Variants in ARHGAP23 observed in about 807,000 individuals in gnomAD.
ARHGAP23 encodes rho GTPase-activating protein 23.
Under a neutral mutation model 136.3 loss-of-function variants are expected in ARHGAP23, and 34 were observed. The observed-to-expected ratio is 0.25, with a 90% CI of 0.19 to 0.33. The LOEUF (loss-of-function observed/expected upper bound fraction) is 0.33. Ranked by LOEUF, ARHGAP23 falls within the 10% of genes least tolerant of loss-of-function variation. The pLI, the probability that ARHGAP23 is intolerant of heterozygous loss-of-function variation, is 1.00. For synonymous variants in ARHGAP23, 832 were observed against 920.5 expected, an observed-to-expected ratio of 0.90 and a Z score of 1.74; for missense variants, 1,808 against 2,139.0, an observed-to-expected ratio of 0.85 and a Z score of 3.05.
intron 8 of ARHGAP23, 87 bp downstream of exon 8, chr17:38,469,386 G>T (rs1036071353): frequency 8.8e-6 from 13 of 1,479,178 alleles, no homozygotes; most frequent in East Asian, 5.0e-5. Context: ...TTGATGTCTG[G>T]CCTCTTCCTC....
chr17:38,440,143 C>T (rs570665765), intron 1 of ARHGAP23, among the ~76,000 whole-genome samples: 2 of 152,276 alleles, frequency 1.3e-5, no homozygotes, highest in East Asian at 1.9e-4. Context: ...CTCAGCCTCC[C>T]GAGTAGCTGG....
intron 1 of ARHGAP23, among the ~76,000 whole-genome samples, chr17:38,437,628 C>T (rs932647158): frequency 3.3e-5 from 5 of 151,920 alleles, no homozygotes; most frequent in African/African-American, 4.8e-5. Context: ...CCCTACCCCC[C>T]CCAAAAAATA....
intron 1 of ARHGAP23, among the ~76,000 whole-genome samples, chr17:38,441,722 T>G (rs905123890): frequency 1.3e-5 from 2 of 151,532 alleles, no homozygotes; most frequent in Admixed American, 6.6e-5. Context: ...ACCTGGAGGG[T>G]AAGGGTTGAG....
intron 2 of ARHGAP23, among the ~76,000 whole-genome samples, chr17:38,460,621 C>T (rs12938080): frequency 0.7 from 106,441 of 152,086 alleles, 38,705 homozygotes; most frequent in East Asian, 0.97. Flanking sequence ...ATGCCTCCCT[C>T]GTTGGGCTGG....
Position 38,477,726 on chromosome 17 carries a change from G to C in ARHGAP23, c.2266G>C (p.Val756Leu), listed in dbSNP as rs1327270526. The change falls in exon 12 of 24, where the codon GTC becomes CTC. Residue 756 changes from valine (V) to leucine (L), a missense_variant. This residue lies in a region of ARHGAP23 where 139 missense variants were observed against 264.3 expected (regional missense o/e 0.53). Coordinates refer to ENST00000622683, the MANE Select transcript of ARHGAP23 (RefSeq NM_001199417.2). The surrounding 1 kb of genome is among the most constrained non-coding windows in gnomAD (Gnocchi z 6.6). ...CGCAGGTGAGGACGAGGCGGCGCCC[G>C]TCTGCATCGGCTCCTGCCTCGTGGA... is the stretch of plus-strand genomic sequence containing the variant. Reference protein sequence around the residue: ...AGAGEDEAAPVCIGSCLVDIS... With the variant: ...AGAGEDEAAPLCIGSCLVDIS... The C allele has an allele frequency of 1.8e-5, 28 of 1,546,420 alleles. No homozygotes were observed. Among genetic ancestry groups the C allele is most frequent in the Non-Finnish European group, 2.4e-5 (28 of 1,144,866 alleles).
chr17:38,440,717 G>A (rs1020705181), intron 1 of ARHGAP23, among the ~76,000 whole-genome samples: 5 of 152,244 alleles, frequency 3.3e-5, no homozygotes, highest in African/African-American at 1.2e-4. Context: ...GGGCACACAA[G>A]TGGCCGGACA....
chr17:38,503,002 C>G (rs1249672442), intron 23 of ARHGAP23, among the ~76,000 whole-genome samples: 1 of 152,194 alleles, frequency 6.6e-6, no homozygotes, highest in Non-Finnish European at 1.5e-5. Context: ...GAGCCGTGAT[C>G]ATGCCACTGC....
intron 14 of ARHGAP23, 89 bp from the exon 15 acceptor site, chr17:38,481,933 C>T (rs919769674): frequency 6.8e-6 from 9 of 1,331,950 alleles, no homozygotes; most frequent in Middle Eastern, 2.6e-4. Context: ...ATGGAATCCC[C>T]ATACGTCCAA....
At chr17:38,428,391 A>G (rs11867269), upstream of ARHGAP23, 2 of 448,658 alleles carry the variant, frequency 4.5e-6, no homozygotes, top group Non-Finnish European at 6.8e-6. Flanking sequence ...GGGCCCCCCC[A>G]CACCGCGCTC....
At chr17:38,493,132 A>G (rs2040313780) in intron 20 of ARHGAP23, among the ~76,000 whole-genome samples, 1 of 150,888 alleles carries the variant, frequency 6.6e-6, no homozygotes, top group Non-Finnish European at 1.5e-5. Context: ...ATGACTGAGT[A>G]AATTGCTAAT....
At chr17:38,466,067 T>A in intron 6 of ARHGAP23, 100 bp from the exon 7 acceptor site, 2 of 841,096 alleles carry the variant, frequency 2.4e-6, no homozygotes, top group East Asian at 4.5e-5. Context: ...GTCCTCTCCC[T>A]TCATTTCCCT....
In ARHGAP23 at chr17:38,466,553, C is replaced by G. The variant is rs1249767591; in HGVS notation, c.870C>G (p.His290Gln). Residue 290 changes from histidine (H) to glutamine (Q), a missense_variant, in exon 7 of 24, where the codon CAC becomes CAG. His to Gln is a conservative substitution (Grantham distance 24). This residue lies in a region of ARHGAP23 where 859 missense variants were observed against 936.4 expected (regional missense o/e 0.92). Coordinates refer to ENST00000622683, the MANE Select transcript of ARHGAP23 (RefSeq NM_001199417.2). ...TGGAGTGCCAGCAGGCCTTGTCACA[C>G]TGGCTGTCAAACCAGGTACCCCGCC... The part of the protein sequence containing the change: ...SRLECQQALS[H>Q]WLSNQVPRRA... 3.4e-6 allele frequency: 5 copies of G among 1,478,990 alleles called. No homozygotes were observed. The highest frequency in any genetic ancestry group is 4.5e-6 in the Non-Finnish European group (5 of 1,121,556). The allele number at this position is 1,478,990 out of a possible 1,614,324, so 91.6% of individuals were successfully genotyped here.
chr17:38,435,097 A>G (rs1171637871), intron 1 of ARHGAP23, among the ~76,000 whole-genome samples: 2 of 152,192 alleles, frequency 1.3e-5, no homozygotes, highest in Admixed American at 1.3e-4. Context: ...CTGTCTCTCC[A>G]TTTGCCTCAT....
chr17:38,462,933 T>C lies in ARHGAP23; in HGVS notation c.341T>C (p.Leu114Pro). 1 of 1,542,510 alleles carries C rather than the reference T, an allele frequency of 6.5e-7. No homozygotes were observed. Among genetic ancestry groups the C allele is most frequent in the Non-Finnish European group, 8.7e-7 (1 of 1,144,676 alleles). ...KEDGPAHRAG[L>P]RTGDRLVKVN... ...GACGGCCCTGCCCATAGGGCGGGGCTTCGCACAGGTGAGCTGGCCCAGTTA... is the reference window on the plus strand; with the variant it reads ...GACGGCCCTGCCCATAGGGCGGGGCCTCGCACAGGTGAGCTGGCCCAGTTA... The change falls in exon 4 of 24, where the codon CTT (leucine) becomes CCT (proline). Residue 114 changes from leucine (L) to proline (P), a missense_variant. Physicochemically the swap from Leu to Pro is moderately conservative, Grantham distance 98. Transcript: ENST00000622683.
At chr17:38,436,886 C>T (rs1403666146) in intron 1 of ARHGAP23, among the ~76,000 whole-genome samples, 1 of 152,218 alleles carries the variant, frequency 6.6e-6, no homozygotes, top group Non-Finnish European at 1.5e-5. Flanking sequence ...GAGTTTAAAA[C>T]TGGAAGCCGG....
chr17:38,494,513 G>A (rs965380211), intron 20 of ARHGAP23, among the ~76,000 whole-genome samples: 5 of 152,066 alleles, frequency 3.3e-5, no homozygotes, highest in Non-Finnish European at 7.4e-5. Context: ...GCAGTGAGCC[G>A]AGATTGCGAA....
intron 1 of ARHGAP23, among the ~76,000 whole-genome samples, chr17:38,420,542 T>G (rs1272689096): frequency 2.6e-5 from 4 of 151,504 alleles, no homozygotes; most frequent in African/African-American, 7.3e-5. Context: ...GGGTGGCCTG[T>G]GATGGTGGTG....
intron 17 of ARHGAP23, among the ~76,000 whole-genome samples, chr17:38,488,926 A>G (rs1293653128): frequency 6.6e-6 from 1 of 151,796 alleles, no homozygotes; most frequent in Non-Finnish European, 1.5e-5. Context: ...TCCAGGCTGG[A>G]GTGCAGTGTT....
chr17:38,469,152 A>G lies in ARHGAP23; in HGVS notation c.1657A>G (p.Thr553Ala), dbSNP rs189596069. ...TCCTTCCACATGCATAGATGAGCCC[A>G]CCAGCCCCAGCATTGACCTCCAAGC... ...LASIPFIDEP[T>A]SPSIDLQAKH... The change falls in exon 8 of 24, where the codon ACC becomes GCC. Residue 553 changes from threonine (T) to alanine (A), a missense_variant. Transcript: ENST00000622683. 3.2e-4 allele frequency: 499 copies of G among 1,549,768 alleles called. 1 individual carries two copies. In the African/African-American group the frequency reaches 5.3e-3, roughly 16 times the overall value.
Sources: allele counts gnomAD v4.1 joint callset (sites outside exome capture counted in the v4.1 genomes callset), GRCh38; gene constraint gnomAD v4.1.1; regional missense constraint gnomAD v4.1.1; non-coding constraint Gnocchi (gnomAD v3.1); transcripts MANE v1.5; gene names NCBI Gene and HGNC (gene_info 2026-07-23, HGNC 2026-07-21).